The following TMTC4 variants were observed in gnomAD, a reference collection of about 807,000 sequenced individuals.
The protein encoded by TMTC4 is protein O-mannosyl-transferase TMTC4.
TMTC4 carries 65 observed loss-of-function variants against 86.0 expected under a neutral mutation model. The ratio of observed to expected loss-of-function variants is 0.76; its 90% CI spans 0.62 to 0.93. The LOEUF (loss-of-function observed/expected upper bound fraction) is 0.93. Among genes scored for constraint, TMTC4 ranks in the 40% least tolerant of loss-of-function variants. The probability of loss-of-function intolerance (pLI) is 0.00; values close to 1 mark genes in which losing one functional copy is unlikely to be tolerated. For missense variants in TMTC4, 866 were observed against 948.1 expected (o/e 0.91, Z 1.14); for synonymous variants, 379 against 382.5 (o/e 0.99, Z 0.11).
At chr13:100,617,455 T>C (rs893879704) in intron 15 of TMTC4, among the ~76,000 whole-genome samples, 2 of 152,240 alleles carry the variant, frequency 1.3e-5, no homozygotes, top group East Asian at 3.8e-4. Flanking sequence ...ATTCTTGTAG[T>C]TTGAGGTCTT....
chr13:100,607,173 A>G (rs12427435), intron 17 of TMTC4, among the ~76,000 whole-genome samples: 62,627 of 152,020 alleles, frequency 0.41, 13,347 homozygotes, highest in Non-Finnish European at 0.45. Context: ...TGCCCTGGGG[A>G]CGCTGTTCAC....
chr13:100,610,491 T>C (rs74114798), intron 17 of TMTC4, among the ~76,000 whole-genome samples: 2,878 of 152,294 alleles, frequency 0.019, 80 homozygotes, highest in African/African-American at 0.057. Flanking sequence ...GTCCCCCAAC[T>C]TGGTAGCTCC....
intron 12 of TMTC4, among the ~76,000 whole-genome samples, chr13:100,633,657 C>T (rs1229633648): frequency 1.3e-5 from 2 of 152,274 alleles, no homozygotes; most frequent in South Asian, 2.1e-4. Context: ...CTGATTTTGT[C>T]ATTGTTTGAA....
chr13:100,653,786 T>C (rs1884734981), intron 6 of TMTC4, among the ~76,000 whole-genome samples: 1 of 152,124 alleles, frequency 6.6e-6, no homozygotes, highest in Non-Finnish European at 1.5e-5. Context: ...AGAAAAACTG[T>C]GATGATCCAT....
At position 100,609,107 on chromosome 13, in the gene TMTC4, T is replaced by C. The variant is rs941374588; in HGVS notation, c.2065-2680A>G. Among the ~76,000 whole-genome samples the C allele has an allele frequency of 3.9e-4, 59 of 152,016 alleles. 1 individual carries two copies. Among genetic ancestry groups the C allele is most frequent in the Non-Finnish European group, 1.5e-5 (1 of 68,022 alleles). ...GTGACTCACACAGGAAGAGAGTTAT[T>C]CTCTATTCTCCCTCCTTCCTTCTGA... On this transcript the variant is annotated intron_variant, in intron 17 of 18. Transcript: ENST00000342624.
At chr13:100,620,889 A>T (rs1037881841) in intron 15 of TMTC4, among the ~76,000 whole-genome samples, 1 of 152,262 alleles carries the variant, frequency 6.6e-6, no homozygotes, top group Non-Finnish European at 1.5e-5. Context: ...CTTATTTGCC[A>T]GTATATAAAT....
chr13:100,606,620 A>C (rs1338655484), intron 17 of TMTC4, among the ~76,000 whole-genome samples, 193 bp from the exon 18 acceptor site: 2 of 152,124 alleles, frequency 1.3e-5, no homozygotes, highest in Non-Finnish European at 2.9e-5. Flanking sequence ...AGTGGGAGGG[A>C]GTGGTGGCCG....
chr13:100,653,246 G>T (rs1884668928), intron 6 of TMTC4, among the ~76,000 whole-genome samples: 1 of 152,190 alleles, frequency 6.6e-6, no homozygotes, highest in South Asian at 2.1e-4. Context: ...AAGGAGTATG[G>T]AAAATCAGAA....
At chr13:100,625,308 C>G (rs1880290117) in intron 15 of TMTC4, 1 of 571,838 alleles carries the variant, frequency 1.7e-6, no homozygotes, top group African/African-American at 1.9e-5. Context: ...TAACCTTTTG[C>G]GTGGGTGACC....
Position 100,625,649 on chromosome 13 carries a change from A to C in TMTC4, c.1722T>G (p.Asn574Lys). Residue 574 changes from asparagine (N) to lysine (K), a missense_variant, in exon 15 of 19, where the codon AAT becomes AAG. Physicochemically the swap from Asn to Lys is moderately conservative, Grantham distance 94. Transcript: ENST00000342624. The part of the protein sequence containing the change: ...IQPDFAAAWM[N>K]LGIVQNSLKR... The stretch of plus-strand genomic sequence containing the variant: ...TCAGGCTATTCTGCACTATGCCTAG[A>C]TTCATCCACGCAGCGGCAAAGTCTG... 1 of 1,614,182 alleles carries C rather than the reference A, an allele frequency of 6.2e-7. No homozygotes were observed. The highest frequency in any genetic ancestry group is 8.5e-7 in the Non-Finnish European group (1 of 1,180,028).
chr13:100,606,488 C>T, intron 17 of TMTC4, 61 bp from the exon 18 acceptor site: 1 of 1,378,964 alleles, frequency 7.3e-7, no homozygotes. Flanking sequence ...AAGCAGTTCC[C>T]AGTTTTATCA....
intron 5 of TMTC4, among the ~76,000 whole-genome samples, chr13:100,659,678 G>A (rs1173546876): frequency 6.6e-6 from 1 of 151,770 alleles, no homozygotes; most frequent in African/African-American, 2.4e-5. Flanking sequence ...CTGTCAGAGG[G>A]TTTGGGTGTC....
At chr13:100,618,585 G>T (rs1270085149) in intron 15 of TMTC4, among the ~76,000 whole-genome samples, 34 of 151,798 alleles carry the variant, frequency 2.2e-4, no homozygotes, top group African/African-American at 8.0e-4. Context: ...AAGGTCAGCA[G>T]ATAAACAAGT....
At chr13:100,670,133 T>C (rs1423011895) in intron 2 of TMTC4, 1 of 455,574 alleles carries the variant, frequency 2.2e-6, no homozygotes, top group Non-Finnish European at 3.8e-6. Context: ...CTGTCTTTAC[T>C]AAGGGACCTG....
intron 8 of TMTC4, 40 bp from the exon 9 acceptor site, chr13:100,637,742 C>T: frequency 6.2e-7 from 1 of 1,600,712 alleles, no homozygotes; most frequent in Non-Finnish European, 8.5e-7. Flanking sequence ...GGCTGATTTT[C>T]ACATAAAAGT....
intron 17 of TMTC4, among the ~76,000 whole-genome samples, chr13:100,607,314 C>T (rs1395911409): frequency 3.3e-5 from 5 of 152,140 alleles, no homozygotes; most frequent in East Asian, 1.9e-4. Flanking sequence ...GTCAGGAGTT[C>T]GAGACCAGCC....
chr13:100,652,237 G>C (rs1254973738), intron 6 of TMTC4, among the ~76,000 whole-genome samples: 1 of 152,158 alleles, frequency 6.6e-6, no homozygotes, highest in African/African-American at 2.4e-5. Context: ...CCAGCACTTT[G>C]GGAGGCCGAG....
chr13:100,663,169 T>C lies in TMTC4; in HGVS notation c.347A>G (p.Tyr116Cys). Residue 116 changes from tyrosine (Y) to cysteine (C), a missense_variant, in exon 5 of 19, where the codon TAC becomes TGC. By Grantham distance (194) the Tyr-to-Cys change is radical (BLOSUM62 -2). Coordinates refer to ENST00000342624, the MANE Select transcript of TMTC4 (RefSeq NM_032813.5). ...CACGGGGTGGAAGCCTCCCGAGAGG[T>C]AGTAGTTAATCCTGCAGAAACACAG... ...LTVLTFRINY[Y>C]LSGGFHPVGF... The C allele has an allele frequency of 1.9e-6, 3 of 1,613,408 alleles. No homozygotes were observed. The highest frequency in any genetic ancestry group is 2.7e-5 in the African/African-American group (2 of 74,802).
chr13:100,671,461 T>C (rs1452244750), intron 1 of TMTC4, among the ~76,000 whole-genome samples: 2 of 152,168 alleles, frequency 1.3e-5, no homozygotes, highest in Non-Finnish European at 2.9e-5. Flanking sequence ...AAGCAATATG[T>C]TCTAAGCATA....
Sources: gnomAD v4.1 joint callset for allele counts (sites outside exome capture counted in the v4.1 genomes callset) on GRCh38, gnomAD v4.1.1 for gene constraint, MANE v1.5 for transcripts, NCBI Gene and HGNC (gene_info 2026-07-23, HGNC 2026-07-21) for gene names.